MED12L: variants seen among roughly 807,000 people sequenced by gnomAD.
MED12L encodes the protein mediator of RNA polymerase II transcription subunit 12-like protein.
Under a neutral mutation model 281.3 loss-of-function variants are expected in MED12L, and 60 were observed. The observed-to-expected ratio is 0.21, with a 90% CI of 0.17 to 0.26. The LOEUF (loss-of-function observed/expected upper bound fraction) is 0.26. Ranked by LOEUF, MED12L falls within the 10% of genes least tolerant of loss-of-function variation. The probability of loss-of-function intolerance (pLI) is 1.00; values close to 1 mark genes in which losing one functional copy is unlikely to be tolerated. For missense variants in MED12L, 2,146 were observed against 2,680.9 expected (o/e 0.80, Z 4.41); for synonymous variants, 974 against 987.2 (o/e 0.99, Z 0.25).
At chr3:151,324,126 G>C (rs940247621) in intron 16 of MED12L, among the ~76,000 whole-genome samples, 8 of 152,192 alleles carry the variant, frequency 5.3e-5, no homozygotes, top group Non-Finnish European at 1.5e-5. Context: ...TGTGCACCAT[G>C]GGCAAGGTGT....
intron 16 of MED12L, among the ~76,000 whole-genome samples, chr3:151,239,759 G>T (rs1277355813): frequency 6.6e-6 from 1 of 152,100 alleles, no homozygotes; most frequent in African/African-American, 2.4e-5. Flanking sequence ...TCTGATAAGA[G>T]ATTTTGTTAT....
intron 16 of MED12L, among the ~76,000 whole-genome samples, chr3:151,201,958 C>T (rs181667447): frequency 9.9e-5 from 15 of 152,168 alleles, no homozygotes; most frequent in Admixed American, 7.2e-4. Context: ...ATCAATGAGA[C>T]GTATATGGTA....
intron 16 of MED12L, among the ~76,000 whole-genome samples, chr3:151,315,593 G>A (rs1748116345): frequency 6.6e-6 from 1 of 152,184 alleles, no homozygotes; most frequent in East Asian, 1.9e-4. Context: ...AGGATGAGAT[G>A]TTGCTGAAGG....
chr3:151,217,925 G>A (rs1218525092), intron 16 of MED12L, among the ~76,000 whole-genome samples: 1 of 152,090 alleles, frequency 6.6e-6, no homozygotes, highest in African/African-American at 2.4e-5. Context: ...GCTCTCTTAA[G>A]GCAAGTAAGA....
chr3:151,142,529 T>C (rs1717166272), intron 5 of MED12L, among the ~76,000 whole-genome samples: 1 of 152,218 alleles, frequency 6.6e-6, no homozygotes. Context: ...ACATACTGTC[T>C]TCAGACCCCC....
chr3:151,130,397 T>G (rs1715207170), intron 5 of MED12L, among the ~76,000 whole-genome samples: 1 of 152,224 alleles, frequency 6.6e-6, no homozygotes, highest in Non-Finnish European at 1.5e-5. Flanking sequence ...AAACTTGGTC[T>G]TCTGTGTCCC....
chr3:151,157,844 T>G (rs1719479068), intron 6 of MED12L, among the ~76,000 whole-genome samples: 1 of 152,206 alleles, frequency 6.6e-6, no homozygotes, highest in Admixed American at 6.5e-5. Context: ...CTACTAAGTT[T>G]GTTACCAGAA....
intron 8 of MED12L, 88 bp downstream of exon 8, chr3:151,160,189 CTTT>C (rs1719804241): frequency 1.6e-6 from 2 of 1,253,932 alleles, no homozygotes; most frequent in East Asian, 4.8e-5. Flanking sequence ...CTCTAGTTGA[CTTT>C]TTACAACTCT....
chr3:151,124,112 A>C (rs977982084), intron 4 of MED12L, among the ~76,000 whole-genome samples: 18 of 152,210 alleles, frequency 1.2e-4, no homozygotes, highest in African/African-American at 4.1e-4. Context: ...TCAATATTTG[A>C]TGGCTGTTGA....
At chr3:151,350,907 T>C (rs1753154500) in intron 17 of MED12L, among the ~76,000 whole-genome samples, 1 of 152,226 alleles carries the variant, frequency 6.6e-6, no homozygotes, top group African/African-American at 2.4e-5. Context: ...TGCCTAATTA[T>C]TCTTTTCAAG....
chr3:151,321,708 A>C (rs946099267), intron 16 of MED12L, among the ~76,000 whole-genome samples: 5 of 152,352 alleles, frequency 3.3e-5, no homozygotes, highest in East Asian at 1.9e-4. Context: ...GCAAAAGTTC[A>C]CATGCTGAGT....
chr3:151,378,379 C>T (rs1016487138), intron 31 of MED12L, among the ~76,000 whole-genome samples: 12 of 152,114 alleles, frequency 7.9e-5, no homozygotes, highest in Non-Finnish European at 1.5e-4. Flanking sequence ...TCAATTCTGC[C>T]TTTATATCCA....
intron 16 of MED12L, among the ~76,000 whole-genome samples, chr3:151,317,329 G>A (rs973598136): frequency 2.0e-5 from 3 of 151,292 alleles, no homozygotes; most frequent in African/African-American, 4.9e-5. Context: ...AAATTATTCA[G>A]GGGCTGGGTT....
chr3:151,156,329 A>G lies in MED12L; in HGVS notation c.725A>G (p.Gln242Arg). 1 of 1,602,532 alleles carries G rather than the reference A, an allele frequency of 6.2e-7. No homozygotes were observed. Residue 242 changes from glutamine to arginine, a missense_variant and splice_region_variant, in exon 6 of 45, where the codon CAG becomes CGG. Transcript: ENST00000687756. ...GAAAAGCTAGCATTTCACATGTTCC[A>G]GGTAACCTTTTGAAGACATGCAGAG... ...YNEKLAFHMF[Q>R]EGMLEKHEYL...
intron 40 of MED12L, among the ~76,000 whole-genome samples, chr3:151,409,931 G>C (rs368303922): frequency 1.7e-4 from 26 of 152,216 alleles, no homozygotes; most frequent in African/African-American, 6.3e-4. Flanking sequence ...GTTGCCTTGG[G>C]CAACAGAGCA....
intron 2 of MED12L, among the ~76,000 whole-genome samples, chr3:151,089,147 A>G (rs1465626552): frequency 6.6e-6 from 1 of 152,228 alleles, no homozygotes; most frequent in Non-Finnish European, 1.5e-5. Flanking sequence ...TTTCCTGGGC[A>G]GTACTACACG....
At chr3:151,291,281 C>T (rs765716609) in intron 16 of MED12L, among the ~76,000 whole-genome samples, 4 of 148,656 alleles carry the variant, frequency 2.7e-5, no homozygotes, top group Non-Finnish European at 4.5e-5. Context: ...AAAATTTTGA[C>T]GTATTTAAAT....
intron 3 of MED12L, among the ~76,000 whole-genome samples, chr3:151,121,040 C>G (rs1713670551): frequency 1.3e-5 from 2 of 152,094 alleles, no homozygotes; most frequent in Non-Finnish European, 2.9e-5. Flanking sequence ...TTTTAGAGCT[C>G]TGCTTGTTAT....
intron 16 of MED12L, among the ~76,000 whole-genome samples, chr3:151,251,613 T>A (rs4680273): frequency 0.49 from 73,987 of 152,010 alleles, 18,295 homozygotes; most frequent in Middle Eastern, 0.62. Flanking sequence ...CTCTGTGATT[T>A]GACACCTCTT....
Sources: allele counts gnomAD v4.1 joint callset (sites outside exome capture counted in the v4.1 genomes callset), GRCh38; gene constraint gnomAD v4.1.1; transcripts MANE v1.5; gene names NCBI Gene and HGNC (gene_info 2026-07-23, HGNC 2026-07-21).